The following CSMD1 variants were observed in gnomAD, a reference collection of about 807,000 sequenced individuals.
CSMD1 encodes the protein CUB and sushi domain-containing protein 1.
A neutral mutation model predicts 417.5 loss-of-function variants in CSMD1; 213 were observed. The observed-to-expected ratio is 0.51, with a 90% CI of 0.46 to 0.57. CSMD1 has a LOEUF of 0.57. CSMD1 is among the 20% of genes least tolerant of loss of function. The pLI, the probability that CSMD1 is intolerant of heterozygous loss-of-function variation, is 0.00. For missense variants in CSMD1, 6,923 were observed against 4,529.7 expected (o/e 1.53, Z -15.17); for synonymous variants, 2,862 against 1,736.8 (o/e 1.65, Z -16.11).
chr8:4,648,272 T>C (rs1803664303), intron 1 of CSMD1, among the ~76,000 whole-genome samples: 1 of 152,192 alleles, frequency 6.6e-6, no homozygotes, highest in South Asian at 2.1e-4. Context: ...TGTTTTTTCT[T>C]GCTAATTTCT....
chr8:3,827,824 C>T (rs1040189284), intron 5 of CSMD1, among the ~76,000 whole-genome samples: 2 of 152,146 alleles, frequency 1.3e-5, no homozygotes, highest in Non-Finnish European at 2.9e-5. Context: ...CTGTAAAAGT[C>T]GGTCCACTAA....
intron 41 of CSMD1, among the ~76,000 whole-genome samples, chr8:3,137,520 T>C (rs188569893): frequency 8.5e-4 from 129 of 152,342 alleles, no homozygotes; most frequent in Non-Finnish European, 1.6e-3. Context: ...TGCAGTGTAT[T>C]GTTTTCAGTA....
intron 4 of CSMD1, among the ~76,000 whole-genome samples, chr8:4,027,073 C>G (rs1465982886): frequency 6.6e-6 from 1 of 152,128 alleles, no homozygotes; most frequent in Non-Finnish European, 1.5e-5. Context: ...CTCAGGCCAG[C>G]CAGGATAGGT....
rs1208888075 is a variant in CSMD1 at position 2,936,483 on chromosome 8, G to A, written c.*2102C>T. On this transcript the variant is annotated 3_prime_UTR_variant, in exon 70 of 70. Coordinates refer to ENST00000635120, the MANE Select transcript of CSMD1 (RefSeq NM_033225.6). ...TCAATCATCTTCTGTTTCGTTCAAT[G>A]TGTGTGTTAGGAGCACGACTCCCGC... 2 of 151,958 alleles carry A rather than the reference G, an allele frequency of 1.3e-5. No homozygotes were observed. Among genetic ancestry groups the A allele is most frequent in the Admixed American group, 6.6e-5 (1 of 15,234 alleles). 9.4% of individuals were successfully genotyped at this position (151,958 alleles called of 1,614,324 possible). A position where few individuals can be genotyped will look rare whatever the true frequency, so the allele number is the denominator to read the frequency against.
chr8:4,641,521 A>G (rs893986067), intron 1 of CSMD1, among the ~76,000 whole-genome samples: 1 of 152,172 alleles, frequency 6.6e-6, no homozygotes, highest in Non-Finnish European at 1.5e-5. Flanking sequence ...TTGACCGTCT[A>G]AGTAGCCACA....
rs539835690 is a variant in CSMD1 at position 2,979,836 on chromosome 8, C to A, written c.8378-1036G>T. 7.9e-5 allele frequency among the ~76,000 whole-genome samples: 12 copies of A among 152,290 alleles called. No individual in the cohort carries two copies. In the East Asian group the frequency reaches 1.9e-3, roughly 24 times the overall value. ...TTCTTTTGAATCAAAAAAGCCAAAA[C>A]AAACAAAAAGCCATGTGTGAAGTTC... On this transcript the variant is annotated intron_variant, in intron 54 of 69. Coordinates refer to ENST00000635120, the MANE Select transcript of CSMD1 (RefSeq NM_033225.6).
intron 6 of CSMD1, among the ~76,000 whole-genome samples, chr8:3,750,039 G>C (rs762656326): frequency 1.3e-5 from 2 of 152,018 alleles, no homozygotes; most frequent in Non-Finnish European, 2.9e-5. Flanking sequence ...AGTCATTATT[G>C]AGTTCTTTAT....
chr8:3,600,812 C>A (rs986336578), intron 8 of CSMD1, among the ~76,000 whole-genome samples: 1 of 151,396 alleles, frequency 6.6e-6, no homozygotes, highest in Non-Finnish European at 1.5e-5. Flanking sequence ...CATTCATATG[C>A]ATGTTTTGCA....
In CSMD1 at chr8:3,069,638, G is replaced by T. The variant is rs555181667; in HGVS notation, c.7475-16991C>A. Among the ~76,000 whole-genome samples, 28 of 152,256 alleles carry T rather than the reference G, an allele frequency of 1.8e-4. No homozygotes were observed. The South Asian group carries it at 5.6e-3, about 30-fold the overall frequency. ...GGTTTTGCAGGGAGCAGCCCCCAAG[G>T]CTGATCTCAGCAGCTGGAGTTGAGT... On this transcript the variant is annotated intron_variant, in intron 49 of 69. Transcript: ENST00000635120.
chr8:4,932,339 G>GA (rs5889074), intron 1 of CSMD1, among the ~76,000 whole-genome samples: 3,644 of 148,620 alleles, frequency 0.025, 47 homozygotes, highest in Middle Eastern at 0.085. Flanking sequence ...CATATTTCTA[G>GA]AAAAAAAAAA....
chr8:4,870,656 G>A (rs1376782282), intron 1 of CSMD1, among the ~76,000 whole-genome samples: 1 of 152,134 alleles, frequency 6.6e-6, no homozygotes, highest in Non-Finnish European at 1.5e-5. Context: ...TGAGGGAATG[G>A]AGAAACAGAG....
chr8:4,916,953 C>A (rs917603960), intron 1 of CSMD1, among the ~76,000 whole-genome samples: 14 of 152,160 alleles, frequency 9.2e-5, no homozygotes, highest in Non-Finnish European at 1.8e-4. Flanking sequence ...TGTCATTAGG[C>A]ATCCGCAGGT....
chr8:4,736,480 A>T (rs1293968056), intron 1 of CSMD1, among the ~76,000 whole-genome samples: 1 of 152,120 alleles, frequency 6.6e-6, no homozygotes, highest in Non-Finnish European at 1.5e-5. Context: ...TACAAGAAAA[A>T]CTAAAGAAGT....
At chr8:4,150,536 G>T (rs954148484) in intron 3 of CSMD1, among the ~76,000 whole-genome samples, 5 of 152,170 alleles carry the variant, frequency 3.3e-5, no homozygotes. Flanking sequence ...GTTCTTCCAA[G>T]TGTAATGAAT....
rs559352707 is a variant in CSMD1 at position 3,207,320 on chromosome 8, T to G, written c.4868-1700A>C. On this transcript the variant is annotated intron_variant, in intron 30 of 69. Coordinates refer to ENST00000635120, the MANE Select transcript of CSMD1 (RefSeq NM_033225.6). ...CCGCCAACACACCTGGCTGATTTTT[T>G]TTTTTTTCATCTTTAATAGATATGA... Among the ~76,000 whole-genome samples, 472 of 151,302 alleles carry G rather than the reference T, an allele frequency of 3.1e-3. 6 individuals are homozygous for G. The highest frequency in any genetic ancestry group is 0.011 in the African/African-American group (440 of 41,230).
Position 2,950,286 on chromosome 8 carries a change from T to C in CSMD1, c.10259A>G (p.Gln3420Arg). The change falls in exon 67 of 70, where the codon CAG (glutamine) becomes CGG (arginine). Residue 3420 changes from glutamine (Q) to arginine (R), a missense_variant. By Grantham distance (43) the Gln-to-Arg change is conservative. Coordinates refer to ENST00000635120, the MANE Select transcript of CSMD1 (RefSeq NM_033225.6). ...LLLKAFQIKG[Q>R]ADIFVSKFEN... is the part of the protein sequence containing the mutation. ...GAACTTGCTTACAAAAATATCTGCCTGGCCTTTAATTTGAAAAGCTTTCAG... is the reference window on the plus strand; with the variant it reads ...GAACTTGCTTACAAAAATATCTGCCCGGCCTTTAATTTGAAAAGCTTTCAG... 6.2e-7 allele frequency: 1 copy of C among 1,613,516 alleles called. No individual in the cohort carries two copies. The highest frequency in any genetic ancestry group is 8.5e-7 in the Non-Finnish European group (1 of 1,179,478).
At chr8:3,686,402 T>A (rs972577857) in intron 7 of CSMD1, among the ~76,000 whole-genome samples, 1 of 152,154 alleles carries the variant, frequency 6.6e-6, no homozygotes, top group Non-Finnish European at 1.5e-5. Flanking sequence ...GAGAGTTGCA[T>A]CCTGCGTGAC....
At chr8:4,505,823 T>C (rs959584250) in intron 2 of CSMD1, among the ~76,000 whole-genome samples, 91 of 151,810 alleles carry the variant, frequency 6.0e-4, no homozygotes, top group African/African-American at 1.8e-3. Flanking sequence ...TTTTTTTAGA[T>C]AGAGTCTCAC....
At chr8:3,907,398 G>C (rs752777214) in intron 5 of CSMD1, among the ~76,000 whole-genome samples, 1 of 152,116 alleles carries the variant, frequency 6.6e-6, no homozygotes, top group Non-Finnish European at 1.5e-5. Context: ...GGGTAATTTA[G>C]GTCTTTTATT....
Sources: gnomAD v4.1 joint callset for allele counts (sites outside exome capture counted in the v4.1 genomes callset) on GRCh38, gnomAD v4.1.1 for gene constraint, MANE v1.5 for transcripts, NCBI Gene and HGNC (gene_info 2026-07-23, HGNC 2026-07-21) for gene names.